Variants in TLK1 observed in about 807,000 individuals in gnomAD.
TLK1 encodes the protein serine/threonine-protein kinase tousled-like 1.
In TLK1, 24 loss-of-function variants were observed where a neutral mutation model predicts 105.3. The observed-to-expected ratio is 0.23, with a 90% CI of 0.17 to 0.32. The LOEUF is 0.32. Among genes scored for constraint, TLK1 ranks in the 10% least tolerant of loss-of-function variants. The probability of loss-of-function intolerance (pLI) is 1.00; values close to 1 mark genes in which losing one functional copy is unlikely to be tolerated. For synonymous variants in TLK1, 321 were observed against 310.4 expected, an observed-to-expected ratio of 1.03 and a Z score of -0.36; for missense variants, 558 against 910.5, an observed-to-expected ratio of 0.61 and a Z score of 4.98.
chr2:171,110,986 T>C (rs1006448106), intron 2 of TLK1, among the ~76,000 whole-genome samples: 2 of 152,012 alleles, frequency 1.3e-5, no homozygotes, highest in Non-Finnish European at 2.9e-5. Flanking sequence ...TTCAACTCAA[T>C]AGCTGGAAGA....
intron 2 of TLK1, among the ~76,000 whole-genome samples, chr2:171,103,601 C>T (rs1238842898): frequency 6.6e-6 from 1 of 152,104 alleles, no homozygotes; most frequent in Non-Finnish European, 1.5e-5. Flanking sequence ...TACTTTCTTT[C>T]CAGATATTTC....
chr2:171,213,686 A>T (rs1381659768), intron 1 of TLK1, among the ~76,000 whole-genome samples: 1 of 149,392 alleles, frequency 6.7e-6, no homozygotes, highest in East Asian at 2.1e-4. Flanking sequence ...GTTAGTTGGG[A>T]GGCTGAGGTG....
chr2:171,071,036 C>A (rs548055482), intron 3 of TLK1, among the ~76,000 whole-genome samples: 2 of 152,110 alleles, frequency 1.3e-5, no homozygotes, highest in Non-Finnish European at 2.9e-5. Context: ...ATATTGGGCA[C>A]CTTTTCATCA....
At chr2:171,089,376 C>G (rs1196977851) in intron 2 of TLK1, among the ~76,000 whole-genome samples, 3 of 152,150 alleles carry the variant, frequency 2.0e-5, no homozygotes, top group African/African-American at 7.2e-5. Context: ...ACAGTCTATT[C>G]ATTTTATTAA....
At chr2:171,039,131 G>A (rs985334906) in intron 11 of TLK1, among the ~76,000 whole-genome samples, 6 of 151,946 alleles carry the variant, frequency 3.9e-5, no homozygotes, top group Admixed American at 2.0e-4. Flanking sequence ...TTTCTTTTGG[G>A]TGGTGTTTGC....
At chr2:171,043,849 G>A (rs992116204) in intron 11 of TLK1, among the ~76,000 whole-genome samples, 1 of 152,026 alleles carries the variant, frequency 6.6e-6, no homozygotes, top group East Asian at 1.9e-4. Context: ...CAAAGCACTG[G>A]GATTATAGTG....
intron 11 of TLK1, among the ~76,000 whole-genome samples, chr2:171,041,492 G>A (rs1005049960): frequency 2.0e-5 from 3 of 152,076 alleles, no homozygotes; most frequent in African/African-American, 4.8e-5. Context: ...GGTGAGCAGC[G>A]GGCCAGCAGG....
chr2:171,084,877 C>A (rs896509788), intron 2 of TLK1, among the ~76,000 whole-genome samples: 1 of 152,068 alleles, frequency 6.6e-6, no homozygotes, highest in African/African-American at 2.4e-5. Flanking sequence ...AAAAGTATAT[C>A]TGAATGAACC....
At chr2:171,097,013 A>G (rs1158307927) in intron 2 of TLK1, among the ~76,000 whole-genome samples, 1 of 152,240 alleles carries the variant, frequency 6.6e-6, no homozygotes, top group Non-Finnish European at 1.5e-5. Flanking sequence ...AAAAGAACCC[A>G]AAGAGCCAAA....
intron 12 of TLK1, among the ~76,000 whole-genome samples, chr2:171,028,093 G>A (rs1340870747): frequency 1.3e-5 from 2 of 152,172 alleles, no homozygotes; most frequent in Non-Finnish European, 2.9e-5. Flanking sequence ...AACCAGGGAG[G>A]TGGAGGTTGC....
chr2:171,186,442 G>C (rs777530528), intron 1 of TLK1, among the ~76,000 whole-genome samples: 1 of 152,180 alleles, frequency 6.6e-6, no homozygotes, highest in African/African-American at 2.4e-5. Context: ...GGGAGTAAAA[G>C]CCCTTGTCAT....
At chr2:171,069,565 T>C (rs1332972694) in intron 3 of TLK1, among the ~76,000 whole-genome samples, 1 of 152,154 alleles carries the variant, frequency 6.6e-6, no homozygotes, top group Non-Finnish European at 1.5e-5. Context: ...CTACATTGCA[T>C]AGGACAGGAA....
intron 1 of TLK1, among the ~76,000 whole-genome samples, chr2:171,139,011 C>T (rs1442682532): frequency 1.3e-5 from 2 of 152,048 alleles, no homozygotes; most frequent in Non-Finnish European, 2.9e-5. Flanking sequence ...AAGTCTGTTT[C>T]GAAAGCTAAA....
chr2:171,044,421 A>C (rs531046211), intron 11 of TLK1, among the ~76,000 whole-genome samples: 1 of 152,360 alleles, frequency 6.6e-6, no homozygotes, highest in Admixed American at 6.5e-5. Context: ...GAAAGATAAC[A>C]GTAAATACAA....
intron 1 of TLK1, among the ~76,000 whole-genome samples, chr2:171,194,351 G>A (rs1349175613): frequency 6.6e-6 from 1 of 152,172 alleles, no homozygotes; most frequent in Non-Finnish European, 1.5e-5. Context: ...CTGAAGAAGA[G>A]AGGAATGTAA....
chr2:171,009,164 T>C (rs1488367260), intron 14 of TLK1, among the ~76,000 whole-genome samples: 4 of 152,072 alleles, frequency 2.6e-5, no homozygotes, highest in African/African-American at 4.8e-5. Flanking sequence ...TAACAAAAAA[T>C]AGTGCATGGT....
intron 18 of TLK1, among the ~76,000 whole-genome samples, chr2:171,002,400 G>A (rs938425985): frequency 1.1e-4 from 17 of 151,744 alleles, no homozygotes; most frequent in Admixed American, 3.3e-4. Flanking sequence ...CTAGGACTAC[G>A]AGCAGCTGGG....
At chr2:171,138,455 G>A (rs777575874) in intron 1 of TLK1, among the ~76,000 whole-genome samples, 4 of 152,092 alleles carry the variant, frequency 2.6e-5, no homozygotes, top group Non-Finnish European at 5.9e-5. Context: ...AGCATTTGGA[G>A]GACAGTACGA....
chr2:171,101,205 A>T (rs1264990376), intron 2 of TLK1, among the ~76,000 whole-genome samples: 1 of 151,776 alleles, frequency 6.6e-6, no homozygotes, highest in African/African-American at 2.4e-5. Flanking sequence ...AATTAGCCAG[A>T]AGTGGTGGTA....
Sources: gnomAD v4.1 joint callset for allele counts (sites outside exome capture counted in the v4.1 genomes callset) on GRCh38, gnomAD v4.1.1 for gene constraint, MANE v1.5 for transcripts, NCBI Gene and HGNC (gene_info 2026-07-23, HGNC 2026-07-21) for gene names.